Variants in LMTK2 observed in about 807,000 individuals in gnomAD.
LMTK2 encodes the protein lemur tail kinase 2, also known as serine/threonine-protein kinase LMTK2.
LMTK2 carries 37 observed loss-of-function variants against 127.5 expected under a neutral mutation model. That is an observed-to-expected ratio of 0.29 (90% CI 0.22 to 0.38). LMTK2 has a LOEUF of 0.38. Ranked by LOEUF, LMTK2 falls within the 10% of genes least tolerant of loss-of-function variation. LMTK2 has a pLI of 1.00. For missense variants in LMTK2, 1,694 were observed against 1,920.3 expected (o/e 0.88, Z 2.20); for synonymous variants, 819 against 810.1 (o/e 1.01, Z -0.19).
chr7:98,163,329 C>T (rs1797042094), intron 6 of LMTK2, among the ~76,000 whole-genome samples: 1 of 151,984 alleles, frequency 6.6e-6, no homozygotes, highest in Admixed American at 6.6e-5. Flanking sequence ...GGATAATTAC[C>T]TCCCACAATT....
intron 3 of LMTK2, among the ~76,000 whole-genome samples, chr7:98,146,023 C>T (rs559821331): frequency 3.3e-4 from 50 of 152,260 alleles, no homozygotes; most frequent in African/African-American, 1.2e-3. Flanking sequence ...TTCTTGTATA[C>T]GTGGATATCC....
intron 5 of LMTK2, among the ~76,000 whole-genome samples, chr7:98,158,693 CTATT>C (rs1302062592): frequency 2.0e-5 from 3 of 152,052 alleles, no homozygotes; most frequent in Non-Finnish European, 2.9e-5. Context: ...AATCTAGAGA[CTATT>C]TATATGGGCG....
chr7:98,119,791 A>C (rs1796337090), intron 1 of LMTK2, among the ~76,000 whole-genome samples: 1 of 152,220 alleles, frequency 6.6e-6, no homozygotes. Flanking sequence ...GGTGTGCTGT[A>C]ACGTGAGAAC....
intron 1 of LMTK2, among the ~76,000 whole-genome samples, chr7:98,121,159 G>A (rs1391819785): frequency 1.3e-5 from 2 of 152,154 alleles, no homozygotes; most frequent in African/African-American, 4.8e-5. Flanking sequence ...CTGGTGAACC[G>A]CATTGTGCTT....
At chr7:98,165,939 T>C (rs973748549) in intron 6 of LMTK2, among the ~76,000 whole-genome samples, 1 of 151,870 alleles carries the variant, frequency 6.6e-6, no homozygotes, top group Non-Finnish European at 1.5e-5. Context: ...GACAACCGCA[T>C]GGGTTGAGGT....
At chr7:98,175,363 A>G (rs1251016870) in intron 7 of LMTK2, among the ~76,000 whole-genome samples, 1 of 152,232 alleles carries the variant, frequency 6.6e-6, no homozygotes. Flanking sequence ...CAGATAGTCC[A>G]GTGTTACCAG....
chr7:98,182,947 T>C (rs1797376418), intron 7 of LMTK2, among the ~76,000 whole-genome samples: 1 of 152,220 alleles, frequency 6.6e-6, no homozygotes, highest in Admixed American at 6.5e-5. Context: ...GATTCCCCAT[T>C]ATACTCTCCC....
chr7:98,109,214 A>G (rs2116309470), intron 1 of LMTK2, among the ~76,000 whole-genome samples: 1 of 152,264 alleles, frequency 6.6e-6, no homozygotes, highest in African/African-American at 2.4e-5. Context: ...TTATGGTGTC[A>G]TGAATTATAA....
intron 6 of LMTK2, among the ~76,000 whole-genome samples, chr7:98,168,690 G>A (rs1402985550): frequency 6.6e-6 from 1 of 152,168 alleles, no homozygotes; most frequent in African/African-American, 2.4e-5. Flanking sequence ...CAGCATTGAG[G>A]AGCGGGCTTG....
At chr7:98,187,889 A>C (rs1383294946) in intron 9 of LMTK2, among the ~76,000 whole-genome samples, 2 of 152,062 alleles carry the variant, frequency 1.3e-5, no homozygotes, top group Admixed American at 6.5e-5. Flanking sequence ...GAGCCACCGC[A>C]CCTGGCCCAG....
chr7:98,196,858 G>A (rs1797628968), intron 11 of LMTK2, among the ~76,000 whole-genome samples: 1 of 152,188 alleles, frequency 6.6e-6, no homozygotes, highest in South Asian at 2.1e-4. Flanking sequence ...TCGGAAGGTG[G>A]GTCAGGGCCA....
chr7:98,177,184 TTTG>T (rs1403336769), intron 7 of LMTK2, among the ~76,000 whole-genome samples: 2 of 152,216 alleles, frequency 1.3e-5, no homozygotes, highest in African/African-American at 4.8e-5. Flanking sequence ...CATAAAAGAA[TTTG>T]TTGTGGCTTT....
intron 3 of LMTK2, among the ~76,000 whole-genome samples, chr7:98,143,346 C>T (rs4729408): frequency 0.22 from 33,223 of 152,048 alleles, 3,820 homozygotes; most frequent in South Asian, 0.38. Flanking sequence ...ATCTGATTTA[C>T]AAAAATGAAA....
chr7:98,203,619 G>A lies in LMTK2; in HGVS notation c.4153G>A (p.Gly1385Ser), dbSNP rs376374002. Residue 1385 changes from glycine (G) to serine (S), a missense_variant, in exon 12 of 14, where the codon GGC becomes AGC. Coordinates refer to ENST00000297293, the MANE Select transcript of LMTK2 (RefSeq NM_014916.4). ...GGGGCCCTGTGGAGGAGAGGCGTGC[G>A]GCCCGGACCTGAGCGGCCCAGCCCC... ...ELGPCGGEAC[G>S]PDLSGPAPAS... 11 of 1,610,832 alleles carry A rather than the reference G, an allele frequency of 6.8e-6. No homozygotes were observed. Among genetic ancestry groups the A allele is most frequent in the South Asian group, 3.3e-5 (3 of 90,964 alleles).
intron 9 of LMTK2, among the ~76,000 whole-genome samples, chr7:98,188,399 TTCC>T (rs1797472153): frequency 6.6e-6 from 1 of 152,202 alleles, no homozygotes; most frequent in Non-Finnish European, 1.5e-5. Context: ...TAATGATGAA[TTCC>T]TTCAGTTTTT....
intron 1 of LMTK2, among the ~76,000 whole-genome samples, chr7:98,129,772 C>A (rs1175663779): frequency 2.0e-5 from 3 of 150,250 alleles, no homozygotes; most frequent in African/African-American, 7.6e-5. Context: ...CTTGCTCATG[C>A]CCCTTCATCG....
chr7:98,187,801 TGCCATG>T (rs1584289954), intron 9 of LMTK2, among the ~76,000 whole-genome samples: 1 of 152,212 alleles, frequency 6.6e-6, no homozygotes, highest in East Asian at 1.9e-4. Context: ...GATGGAGTTT[TGCCATG>T]GCTGGTCTCG....
At chr7:98,156,237 G>T (rs548983082) in intron 5 of LMTK2, among the ~76,000 whole-genome samples, 1 of 152,176 alleles carries the variant, frequency 6.6e-6, no homozygotes, top group African/African-American at 2.4e-5. Context: ...AGGCTGAGGC[G>T]GGTGGATCAC....
chr7:98,113,891 C>T (rs1019018806), intron 1 of LMTK2, among the ~76,000 whole-genome samples: 1 of 151,538 alleles, frequency 6.6e-6, no homozygotes, highest in Non-Finnish European at 1.5e-5. Flanking sequence ...TTGTTTGTCA[C>T]AAAGAGCAGG....
Sources: allele counts gnomAD v4.1 joint callset (sites outside exome capture counted in the v4.1 genomes callset), GRCh38; gene constraint gnomAD v4.1.1; transcripts MANE v1.5; gene names NCBI Gene and HGNC (gene_info 2026-07-23, HGNC 2026-07-21).